Variants in SLC48A1 observed in about 807,000 individuals in gnomAD.
SLC48A1 encodes the protein solute carrier family 48 member 1, also known as heme transporter HRG1.
SLC48A1 carries 6 observed loss-of-function variants against 14.8 expected under a neutral mutation model. The ratio of observed to expected loss-of-function variants is 0.41; its 90% CI spans 0.22 to 0.80. SLC48A1 has a LOEUF of 0.80. Ranked by LOEUF, SLC48A1 falls within the 30% of genes least tolerant of loss-of-function variation. The pLI, the probability that SLC48A1 is intolerant of heterozygous loss-of-function variation, is 0.34. For synonymous variants in SLC48A1, 89 were observed against 90.0 expected, an observed-to-expected ratio of 0.99 and a Z score of 0.06; for missense variants, 165 against 204.8, an observed-to-expected ratio of 0.81 and a Z score of 1.19.
chr12:47,777,579 G>C lies in SLC48A1; in HGVS notation c.137-1449G>C, dbSNP rs1470564403. On this transcript the variant is annotated intron_variant, in intron 1 of 2. Transcript: ENST00000442218. This position sits in a 1 kb window ranked among gnomAD's most constrained non-coding sequence, Gnocchi z 4.5. ...ATGGGTTTTTGTTCCTCACTGGACT[G>C]TCTGGGGACAGCCAAACTGGGACAG... is the stretch of plus-strand genomic sequence containing the variant. 6.6e-6 allele frequency among the ~76,000 whole-genome samples: 1 copy of C among 152,212 alleles called. No homozygotes were observed. The highest frequency in any genetic ancestry group is 1.5e-5 in the Non-Finnish European group (1 of 68,028).
chr12:47,778,177 G>T (rs887502397), intron 1 of SLC48A1, among the ~76,000 whole-genome samples: 9 of 152,202 alleles, frequency 5.9e-5, no homozygotes, highest in Non-Finnish European at 4.4e-5. Context: ...GGGTTGTTTT[G>T]TATTGTATTG....
At position 47,762,557 on chromosome 12, in the gene SLC48A1, A is replaced by G. The variant is rs536701745; in HGVS notation, c.-187+2156A>G. Among the ~76,000 whole-genome samples, 9 of 152,344 alleles carry G rather than the reference A, an allele frequency of 5.9e-5. No homozygotes were observed. In the East Asian group the frequency reaches 1.7e-3, roughly 29 times the overall value. ...GCCCCATCCCCACTGCAACTGTTCT[A>G]GCCCAATAATGGTCTCTTCCAGTAT... On this transcript the variant is annotated intron_variant, in intron 2 of 4. Transcript: ENST00000547002.
intron 1 of SLC48A1, among the ~76,000 whole-genome samples, chr12:47,775,503 T>C (rs1012693617): frequency 6.6e-6 from 1 of 152,188 alleles, no homozygotes; most frequent in African/African-American, 2.4e-5. Flanking sequence ...TGGTGGATGG[T>C]GGCAGGGAGA....
chr12:47,761,934 A>C (rs1006999914), intron 2 of SLC48A1, among the ~76,000 whole-genome samples: 8 of 152,252 alleles, frequency 5.3e-5, no homozygotes, highest in African/African-American at 1.9e-4. Flanking sequence ...GTCCCATACT[A>C]GGAAGTGGTA....
upstream of SLC48A1, among the ~76,000 whole-genome samples, chr12:47,771,858 A>G (rs1031979171): frequency 1.3e-5 from 2 of 151,978 alleles, no homozygotes; most frequent in Non-Finnish European, 2.9e-5. Context: ...ACCTGAACCC[A>G]GGAGGCAGAG....
At chr12:47,758,405 C>T (rs1401990393), upstream of SLC48A1, 4 of 1,534,900 alleles carry the variant, frequency 2.6e-6, no homozygotes, top group Non-Finnish European at 3.5e-6. Flanking sequence ...CACTAGGTCT[C>T]CCAGAAATGC....
upstream of SLC48A1, among the ~76,000 whole-genome samples, chr12:47,767,742 T>C (rs1942547381): frequency 6.6e-6 from 1 of 152,194 alleles, no homozygotes; most frequent in Non-Finnish European, 1.5e-5. Flanking sequence ...ATCAATCTTA[T>C]AAACACTCAG....
rs778283760 is a variant in SLC48A1, at chr12:47,780,235, G to A, written c.395G>A (p.Arg132His). 7.4e-6 allele frequency: 12 copies of A among 1,614,218 alleles called. No individual in the cohort carries two copies. The highest frequency in any genetic ancestry group is 1.3e-5 in the African/African-American group (1 of 75,052). The change falls in exon 3 of 3, where the codon CGC becomes CAC. Residue 132 changes from arginine (R) to histidine (H), a missense_variant. Coordinates refer to ENST00000442218, the MANE Select transcript of SLC48A1 (RefSeq NM_017842.3). ...WAFLLSLYAH[R>H]YRADFADISI... ...TTCCTGCTCAGCCTCTATGCCCACC[G>A]CTACCGGGCTGACTTTGCTGACATC...
intron 2 of SLC48A1, among the ~76,000 whole-genome samples, chr12:47,761,129 G>A (rs1022549927): frequency 2.0e-5 from 3 of 149,208 alleles, no homozygotes; most frequent in African/African-American, 7.4e-5. Flanking sequence ...CCCGGGAGGC[G>A]AAGGTTGCAG....
At chr12:47,763,627 C>T (rs1942440277) in intron 2 of SLC48A1, among the ~76,000 whole-genome samples, 1 of 152,218 alleles carries the variant, frequency 6.6e-6, no homozygotes, top group South Asian at 2.1e-4. Flanking sequence ...CCATCTCCTC[C>T]CTTGCCCATT....
At chr12:47,766,937 A>T (rs531536502), upstream of SLC48A1, among the ~76,000 whole-genome samples, 46 of 152,236 alleles carry the variant, frequency 3.0e-4, no homozygotes, top group African/African-American at 1.0e-3. Context: ...CTTAGAGTTG[A>T]GTCCTCCCTG....
rs1328697953 is a variant in SLC48A1 at position 47,782,344 on chromosome 12, A to G, written c.*2063A>G. On this transcript the variant is annotated 3_prime_UTR_variant, in exon 3 of 3. Transcript: ENST00000442218. Reference sequence around the variant, plus strand: ...GACGATTTGACTTACCTGAGCTCCCAGCTGGGACTTAAACCCAGGTGTGTC... The same window carrying G: ...GACGATTTGACTTACCTGAGCTCCCGGCTGGGACTTAAACCCAGGTGTGTC... 6.6e-6 allele frequency: 1 copy of G among 152,258 alleles called. No individual in the cohort carries two copies. Among genetic ancestry groups the G allele is most frequent in the African/African-American group, 2.4e-5 (1 of 41,466 alleles). The allele number at this position is 152,258 out of a possible 1,614,324, so 9.4% of individuals were successfully genotyped here. A position where few individuals can be genotyped will look rare whatever the true frequency, so the allele number is the denominator to read the frequency against.
chr12:47,774,307 C>G (rs1942693769), intron 1 of SLC48A1, among the ~76,000 whole-genome samples: 1 of 152,208 alleles, frequency 6.6e-6, no homozygotes, highest in Non-Finnish European at 1.5e-5. Context: ...AAAATGCTTT[C>G]TATGTGTCAG....
In SLC48A1 at chr12:47,780,371, G is replaced by A. The variant is rs1942841226; in HGVS notation, c.*90G>A. The A allele has an allele frequency of 1.3e-6, 2 of 1,589,168 alleles. No homozygotes were observed. The highest frequency in any genetic ancestry group is 1.7e-6 in the Non-Finnish European group (2 of 1,157,694). Reference sequence around the variant, plus strand: ...TGGGAGAGGCTACTCCCACCCCCTGGTGACCCCAGAACTGTGGCAGAAAAT... The same window carrying A: ...TGGGAGAGGCTACTCCCACCCCCTGATGACCCCAGAACTGTGGCAGAAAAT... On this transcript the variant is annotated 3_prime_UTR_variant, in exon 3 of 3. Coordinates refer to ENST00000442218, the MANE Select transcript of SLC48A1 (RefSeq NM_017842.3).
intron 2 of SLC48A1, among the ~76,000 whole-genome samples, chr12:47,760,727 C>T (rs1942355866): frequency 6.6e-6 from 1 of 152,136 alleles, no homozygotes; most frequent in Admixed American, 6.5e-5. Context: ...GATGGGGAAA[C>T]TGAGGCTCAG....
chr12:47,767,093 G>C (rs559363722), upstream of SLC48A1, among the ~76,000 whole-genome samples: 2 of 152,038 alleles, frequency 1.3e-5, no homozygotes, highest in Non-Finnish European at 2.9e-5. Context: ...GGGCCTGGGT[G>C]GGGTAGAATG....
chr12:47,779,908 C>CA (rs1037608397), intron 2 of SLC48A1, among the ~76,000 whole-genome samples: 3 of 152,270 alleles, frequency 2.0e-5, no homozygotes, highest in Non-Finnish European at 4.4e-5. Flanking sequence ...GTTTCATCCC[C>CA]AAACCATCCC....
At position 47,779,201 on chromosome 12, in the gene SLC48A1, G is replaced by A; in HGVS notation, c.304+6G>A. 6.5e-7 allele frequency: 1 copy of A among 1,549,194 alleles called. No homozygotes were observed. On this transcript the variant is annotated splice_donor_region_variant and intron_variant, in intron 2 of 2. Coordinates refer to ENST00000442218, the MANE Select transcript of SLC48A1 (RefSeq NM_017842.3). ...GGCCATCACCCGGCATCAGAGTGAGGGCGGGTCCCAGGGAAAGAGGGCATG... is the reference window on the plus strand; with the variant it reads ...GGCCATCACCCGGCATCAGAGTGAGAGCGGGTCCCAGGGAAAGAGGGCATG...
exon 2 of SLC48A1, chr12:47,760,228 G>A (rs948191798): frequency 3.0e-6 from 3 of 985,350 alleles, no homozygotes; most frequent in Admixed American, 1.2e-4. Flanking sequence ...CATCTGCTGT[G>A]TCCACACATT....
Sources: gnomAD v4.1 joint callset for allele counts (sites outside exome capture counted in the v4.1 genomes callset) on GRCh38, gnomAD v4.1.1 for gene constraint, Gnocchi (gnomAD v3.1) non-coding constraint, MANE v1.5 for transcripts, NCBI Gene and HGNC (gene_info 2026-07-23, HGNC 2026-07-21) for gene names.